The following KCNQ5 variants were observed in gnomAD, a reference collection of about 807,000 sequenced individuals.
KCNQ5 encodes potassium voltage-gated channel subfamily Q member 5.
In KCNQ5, 30 loss-of-function variants were observed where a neutral mutation model predicts 98.2. That is an observed-to-expected ratio of 0.31 (90% CI 0.23 to 0.41). The LOEUF (loss-of-function observed/expected upper bound fraction) is 0.41. Ranked by LOEUF, KCNQ5 falls within the 10% of genes least tolerant of loss-of-function variation. The pLI, the probability that KCNQ5 is intolerant of heterozygous loss-of-function variation, is 1.00. For missense variants in KCNQ5, 835 were observed against 1,182.5 expected, an observed-to-expected ratio of 0.71 and a Z score of 4.31; for synonymous variants, 458 against 449.4, an observed-to-expected ratio of 1.02 and a Z score of -0.24.
At chr6:73,074,997 A>G (rs1189319478) in intron 3 of KCNQ5, among the ~76,000 whole-genome samples, 1 of 152,168 alleles carries the variant, frequency 6.6e-6, no homozygotes, top group Non-Finnish European at 1.5e-5. Flanking sequence ...CTGTTTGTAA[A>G]CCACTAGTCT....
At chr6:73,096,686 A>G (rs4706527) in intron 5 of KCNQ5, among the ~76,000 whole-genome samples, 144,943 of 152,328 alleles carry the variant, frequency 0.95, 68,960 homozygotes, top group South Asian at 0.98. Flanking sequence ...ATGATTTACA[A>G]ACACAATGTG....
At chr6:73,035,189 A>G (rs1730712318) in intron 2 of KCNQ5, among the ~76,000 whole-genome samples, 3 of 152,210 alleles carry the variant, frequency 2.0e-5, no homozygotes, top group Admixed American at 2.0e-4. Context: ...ATTTAAGAAG[A>G]ATAAGAAAAT....
rs542075900 is a variant in KCNQ5 at position 73,051,360 on chromosome 6, C to A, written c.616+9298C>A. ...CTCTGCCCCAGTTGATGAGCATTCA[C>A]CCCACCACACTGCCACTTGCTCTTG... On this transcript the variant is annotated intron_variant, in intron 3 of 13. Coordinates refer to ENST00000370398, the MANE Select transcript of KCNQ5 (RefSeq NM_019842.4). Among the ~76,000 whole-genome samples the A allele has an allele frequency of 7.9e-5, 12 of 152,306 alleles. No individual in the cohort carries two copies. In the East Asian group the frequency reaches 2.3e-3, roughly 29 times the overall value.
chr6:73,086,350 A>G (rs1430849624), intron 5 of KCNQ5, among the ~76,000 whole-genome samples: 10 of 152,078 alleles, frequency 6.6e-5, no homozygotes, highest in Admixed American at 6.6e-4. Flanking sequence ...CTGAGGCCAC[A>G]TCATACCCCC....
intron 1 of KCNQ5, among the ~76,000 whole-genome samples, chr6:72,700,631 C>G (rs773301262): frequency 2.6e-5 from 4 of 152,154 alleles, no homozygotes; most frequent in Non-Finnish European, 5.9e-5. Context: ...AACCTAAATT[C>G]TAGCAGATAC....
At chr6:73,060,921 G>A (rs554812902) in intron 3 of KCNQ5, among the ~76,000 whole-genome samples, 3 of 152,140 alleles carry the variant, frequency 2.0e-5, no homozygotes, top group African/African-American at 7.2e-5. Context: ...GTGCAAAGGG[G>A]TATCACCCTT....
At chr6:72,729,589 T>G (rs1471523269) in intron 1 of KCNQ5, among the ~76,000 whole-genome samples, 2 of 152,168 alleles carry the variant, frequency 1.3e-5, no homozygotes, top group Non-Finnish European at 2.9e-5. Context: ...GTTTTTAATT[T>G]TAAAAGAAAC....
At chr6:72,878,293 T>A (rs1185609372) in intron 1 of KCNQ5, among the ~76,000 whole-genome samples, 1 of 151,904 alleles carries the variant, frequency 6.6e-6, no homozygotes, top group Non-Finnish European at 1.5e-5. Flanking sequence ...AAAAAGAAAA[T>A]CCATAGATGC....
intron 1 of KCNQ5, among the ~76,000 whole-genome samples, chr6:72,727,419 A>G: frequency 6.6e-6 from 1 of 152,224 alleles, no homozygotes; most frequent in South Asian, 2.1e-4. Context: ...ATGTTTTCAC[A>G]TGAAAATTCA....
At chr6:72,785,871 A>C (rs908841217) in intron 1 of KCNQ5, among the ~76,000 whole-genome samples, 3 of 152,014 alleles carry the variant, frequency 2.0e-5, no homozygotes, top group Admixed American at 6.6e-5. Context: ...CGCAATAAAC[A>C]ATTACTTAGA....
At chr6:72,794,380 G>A (rs1774217426) in intron 1 of KCNQ5, among the ~76,000 whole-genome samples, 3 of 151,896 alleles carry the variant, frequency 2.0e-5, no homozygotes, top group Admixed American at 1.3e-4. Context: ...TGAGAGATAT[G>A]GCAATCATAA....
At chr6:73,000,253 G>A (rs1371485380) in intron 1 of KCNQ5, among the ~76,000 whole-genome samples, 1 of 152,168 alleles carries the variant, frequency 6.6e-6, no homozygotes, top group Non-Finnish European at 1.5e-5. Context: ...GGGTCACTCT[G>A]TGTCAGTTCA....
At chr6:72,798,057 A>C (rs1198154606) in intron 1 of KCNQ5, among the ~76,000 whole-genome samples, 3 of 152,188 alleles carry the variant, frequency 2.0e-5, no homozygotes, top group African/African-American at 7.2e-5. Context: ...GAAGCAATTT[A>C]AAGCACTCTG....
chr6:73,141,411 G>C (rs1304223118), intron 10 of KCNQ5, among the ~76,000 whole-genome samples: 2 of 152,148 alleles, frequency 1.3e-5, no homozygotes, highest in East Asian at 3.8e-4. Flanking sequence ...CTTGTTCTTA[G>C]TTTTTAGTGA....
intron 9 of KCNQ5, chr6:73,125,417 G>A (rs1775937519): frequency 1.9e-6 from 1 of 518,312 alleles, no homozygotes; most frequent in Non-Finnish European, 3.9e-6. Flanking sequence ...GGCAGAACCA[G>A]CAAGGAGAAT....
chr6:72,916,895 A>G (rs1009928827), intron 1 of KCNQ5, among the ~76,000 whole-genome samples: 1 of 152,216 alleles, frequency 6.6e-6, no homozygotes, highest in African/African-American at 2.4e-5. Context: ...GCAGTCACTT[A>G]CAGGGCAGAT....
At chr6:72,752,853 G>A (rs1408598121) in intron 1 of KCNQ5, among the ~76,000 whole-genome samples, 1 of 152,092 alleles carries the variant, frequency 6.6e-6, no homozygotes, top group African/African-American at 2.4e-5. Context: ...ACAGGGCATA[G>A]TGGATATGTA....
At chr6:72,765,105 A>G (rs1772495266) in intron 1 of KCNQ5, among the ~76,000 whole-genome samples, 1 of 152,200 alleles carries the variant, frequency 6.6e-6, no homozygotes, top group South Asian at 2.1e-4. Context: ...TCTCTTCAAT[A>G]TATTGATTTC....
At chr6:72,652,253 A>AG (rs546127773) in intron 1 of KCNQ5, among the ~76,000 whole-genome samples, 60 of 152,094 alleles carry the variant, frequency 3.9e-4, no homozygotes, top group African/African-American at 1.4e-3. Flanking sequence ...AAAAAAAAAA[A>AG]AAAAGTGAGA....
Sources: gnomAD v4.1 joint callset for allele counts (sites outside exome capture counted in the v4.1 genomes callset) on GRCh38, gnomAD v4.1.1 for gene constraint, MANE v1.5 for transcripts, NCBI Gene and HGNC (gene_info 2026-07-23, HGNC 2026-07-21) for gene names.